Variants in ARHGAP24 observed in about 807,000 individuals in gnomAD.
ARHGAP24 encodes the protein Rho GTPase activating protein 24, also known as rho GTPase-activating protein 24.
In ARHGAP24, 50 loss-of-function variants were observed where a neutral mutation model predicts 76.4. That is an observed-to-expected ratio of 0.65 (90% CI 0.52 to 0.83). The LOEUF is 0.83. Among genes scored for constraint, ARHGAP24 ranks in the 40% least tolerant of loss-of-function variants. ARHGAP24 has a pLI of 0.00. For synonymous variants in ARHGAP24, 345 were observed against 323.3 expected, an observed-to-expected ratio of 1.07 and a Z score of -0.72; for missense variants, 930 against 914.2, an observed-to-expected ratio of 1.02 and a Z score of -0.22.
intron 2 of ARHGAP24, among the ~76,000 whole-genome samples, chr4:85,636,519 T>A (rs1578097646): frequency 6.6e-6 from 1 of 151,802 alleles, no homozygotes; most frequent in East Asian, 1.9e-4. Flanking sequence ...AATGGAGACA[T>A]TAATAGTACC....
At chr4:85,521,709 T>A (rs1724761756) in intron 1 of ARHGAP24, among the ~76,000 whole-genome samples, 1 of 152,150 alleles carries the variant, frequency 6.6e-6, no homozygotes, top group Non-Finnish European at 1.5e-5. Context: ...CCTACTTTGA[T>A]GTTAATTTTA....
At chr4:85,738,552 T>A (rs892473079) in intron 3 of ARHGAP24, among the ~76,000 whole-genome samples, 2 of 151,930 alleles carry the variant, frequency 1.3e-5, no homozygotes, top group Non-Finnish European at 2.9e-5. Flanking sequence ...ACCACAGAAG[T>A]TTTTAATTTT....
At chr4:85,631,222 G>A (rs6531845) in intron 2 of ARHGAP24, among the ~76,000 whole-genome samples, 141,793 of 152,240 alleles carry the variant, frequency 0.93, 66,073 homozygotes, top group East Asian at 0.98. Context: ...AAGATAAAAA[G>A]GTTTCACTTG....
At chr4:85,908,544 T>C (rs1734897587) in intron 3 of ARHGAP24, among the ~76,000 whole-genome samples, 1 of 152,206 alleles carries the variant, frequency 6.6e-6, no homozygotes. Context: ...ATATCATTTA[T>C]GCAAATTAAA....
At chr4:85,655,332 T>C (rs555822491) in intron 2 of ARHGAP24, among the ~76,000 whole-genome samples, 5 of 152,344 alleles carry the variant, frequency 3.3e-5, no homozygotes, top group Admixed American at 3.3e-4. Context: ...AGTACTATTA[T>C]TGAACAATGT....
intron 2 of ARHGAP24, among the ~76,000 whole-genome samples, chr4:85,571,948 T>C (rs1190921096): frequency 6.6e-6 from 1 of 152,208 alleles, no homozygotes; most frequent in Non-Finnish European, 1.5e-5. Flanking sequence ...ACATTGTAAG[T>C]AAATTAAGAA....
intron 1 of ARHGAP24, among the ~76,000 whole-genome samples, chr4:85,496,270 G>A (rs1168320332): frequency 1.3e-5 from 2 of 152,198 alleles, no homozygotes; most frequent in African/African-American, 2.4e-5. Context: ...CCCTTTTCCT[G>A]CCGAAATCTG....
intron 2 of ARHGAP24, among the ~76,000 whole-genome samples, chr4:85,664,471 T>G (rs1387567945): frequency 2.6e-5 from 4 of 151,110 alleles, no homozygotes; most frequent in African/African-American, 7.4e-5. Context: ...AGCCCCTGGA[T>G]TCATTAATTT....
intron 3 of ARHGAP24, among the ~76,000 whole-genome samples, chr4:85,912,245 A>C (rs1337654543): frequency 6.6e-6 from 1 of 152,242 alleles, no homozygotes; most frequent in Admixed American, 6.5e-5. Flanking sequence ...AACATTATAC[A>C]AATGATGTAT....
At chr4:85,481,568 G>A (rs1722818103) in intron 1 of ARHGAP24, among the ~76,000 whole-genome samples, 2 of 152,108 alleles carry the variant, frequency 1.3e-5, no homozygotes. Flanking sequence ...ATCTACCATA[G>A]GCCAGTAACT....
chr4:85,686,048 A>G (rs1185775836), intron 2 of ARHGAP24, among the ~76,000 whole-genome samples: 1 of 152,138 alleles, frequency 6.6e-6, no homozygotes, highest in Non-Finnish European at 1.5e-5. Flanking sequence ...TACCTACATG[A>G]TGGTTGTCTA....
At chr4:85,986,118 C>T (rs796618528) in intron 8 of ARHGAP24, among the ~76,000 whole-genome samples, 73 of 152,204 alleles carry the variant, frequency 4.8e-4, no homozygotes, top group African/African-American at 1.6e-3. Flanking sequence ...TTTTTAAATA[C>T]TGTCTTTTAA....
intron 1 of ARHGAP24, among the ~76,000 whole-genome samples, chr4:85,545,029 A>G (rs1725863393): frequency 6.6e-6 from 1 of 152,060 alleles, no homozygotes; most frequent in Admixed American, 6.5e-5. Flanking sequence ...CCATGCTATC[A>G]TGAAATTCTT....
chr4:85,485,377 ATATATATATATATAT>A (rs1479224307), intron 1 of ARHGAP24, among the ~76,000 whole-genome samples: 1 of 10,372 alleles, frequency 9.6e-5, no homozygotes, highest in African/African-American at 3.7e-4. Context: ...AAAAAAAAAA[ATATATATATATATAT>A]ATATATATAT....
intron 3 of ARHGAP24, among the ~76,000 whole-genome samples, chr4:85,845,974 C>T (rs1021522011): frequency 2.0e-5 from 3 of 151,896 alleles, no homozygotes; most frequent in African/African-American, 4.8e-5. Context: ...GGCGCGATCT[C>T]GGCTCACTGC....
intron 3 of ARHGAP24, among the ~76,000 whole-genome samples, chr4:85,759,956 G>GA (rs146586370): frequency 0.025 from 3,750 of 152,250 alleles, 153 homozygotes; most frequent in African/African-American, 0.085. Context: ...AAGATGGGAA[G>GA]AAAACGTGTC....
chr4:85,679,935 C>G (rs1304921778), intron 2 of ARHGAP24, among the ~76,000 whole-genome samples: 1 of 152,136 alleles, frequency 6.6e-6, no homozygotes, highest in Non-Finnish European at 1.5e-5. Flanking sequence ...TTGGTTCTAC[C>G]CAACTGCACT....
intron 1 of ARHGAP24, among the ~76,000 whole-genome samples, chr4:85,559,899 A>G (rs1171058291): frequency 6.6e-6 from 1 of 152,018 alleles, no homozygotes; most frequent in Non-Finnish European, 1.5e-5. Flanking sequence ...AAAGCACTGG[A>G]GTTTCTATTT....
At chr4:85,845,562 A>AT (rs1730838628) in intron 3 of ARHGAP24, among the ~76,000 whole-genome samples, 2 of 152,128 alleles carry the variant, frequency 1.3e-5, no homozygotes, top group Admixed American at 6.5e-5. Flanking sequence ...CCTTCCCAGG[A>AT]TTTTTCCCTG....
Sources: allele counts gnomAD v4.1 joint callset (sites outside exome capture counted in the v4.1 genomes callset), GRCh38; gene constraint gnomAD v4.1.1; transcripts MANE v1.5; gene names NCBI Gene and HGNC (gene_info 2026-07-23, HGNC 2026-07-21).